The following TENT4B variants were observed in gnomAD, a reference collection of about 807,000 sequenced individuals.
The protein encoded by TENT4B is terminal nucleotidyltransferase 4B, also known as PAP associated domain containing 5.
In TENT4B, 10 loss-of-function variants were observed where a neutral mutation model predicts 75.0. That is an observed-to-expected ratio of 0.13 (90% confidence interval 0.08 to 0.23). TENT4B has a LOEUF of 0.23. Among genes scored for constraint, TENT4B ranks in the 10% least tolerant of loss-of-function variants. The pLI is 1.00. For missense variants in TENT4B, 579 were observed against 893.8 expected (o/e 0.65, Z 4.49); for synonymous variants, 350 against 357.7 (o/e 0.98, Z 0.24).
rs2032344938 is a variant in TENT4B at position 50,233,136 on chromosome 16, G to T, written c.*3808G>T. On this transcript the variant is annotated 3_prime_UTR_variant, in exon 12 of 12. Coordinates refer to ENST00000561678, the MANE Select transcript of TENT4B (RefSeq NM_001365324.3). ...TTGAATATAAAAGTTATATTTAGTA[G>T]TTACTGTTGATAGTAATTTTCATCA... 4 of 981,950 alleles carry T rather than the reference G, an allele frequency of 4.1e-6. No individual in the cohort carries two copies. In the African/African-American group the frequency reaches 7.0e-5, roughly 17 times the overall value. 60.8% of individuals were successfully genotyped at this position (981,950 alleles called of 1,614,324 possible).
At chr16:50,203,533 C>T (rs553608599) in intron 1 of TENT4B, among the ~76,000 whole-genome samples, 3 of 152,322 alleles carry the variant, frequency 2.0e-5, no homozygotes, top group African/African-American at 4.8e-5. Context: ...ATTTTCTTAT[C>T]GACCTATCTC....
At chr16:50,175,780 T>TA in intron 1 of TENT4B, among the ~76,000 whole-genome samples, 1 of 151,932 alleles carries the variant, frequency 6.6e-6, no homozygotes, top group South Asian at 2.1e-4. Context: ...AGTTTTTTTG[T>TA]TTTATTTATT....
chr16:50,216,158 C>T lies in TENT4B; in HGVS notation c.893C>T (p.Ala298Val). The change falls in exon 4 of 12, where the codon GCA becomes GTA. Residue 298 changes from alanine (A) to valine (V), a missense_variant. Coordinates refer to ENST00000561678, the MANE Select transcript of TENT4B (RefSeq NM_001365324.3). ...LEEALRKHKV[A>V]DEDSVKVLDK... ...GAAGCTCTTCGGAAACACAAAGTCG[C>T]AGATGAGGATTCGGTGAAAGTTTTA... The T allele has an allele frequency of 1.2e-6, 2 of 1,613,972 alleles. No homozygotes were observed. Among genetic ancestry groups the T allele is most frequent in the Non-Finnish European group, 1.7e-6 (2 of 1,179,872 alleles).
intron 1 of TENT4B, among the ~76,000 whole-genome samples, chr16:50,210,667 GCC>G (rs2031231957): frequency 1.3e-5 from 2 of 152,202 alleles, no homozygotes; most frequent in Non-Finnish European, 2.9e-5. Context: ...GCTATCTGTT[GCC>G]ACAGGGGGAA....
chr16:50,158,226 A>G (rs1399422669), intron 1 of TENT4B, among the ~76,000 whole-genome samples: 8 of 152,142 alleles, frequency 5.3e-5, no homozygotes, highest in Non-Finnish European at 1.0e-4. Context: ...AACTGGGATT[A>G]CAGGCGCCCG....
chr16:50,233,005 A>G lies in TENT4B; in HGVS notation c.*3677A>G, dbSNP rs759381910. 23 of 984,450 alleles carry G rather than the reference A, an allele frequency of 2.3e-5. No individual in the cohort carries two copies. Among genetic ancestry groups the G allele is most frequent in the Non-Finnish European group, 2.5e-5 (21 of 829,018 alleles). 61.0% of individuals were successfully genotyped at this position (984,450 alleles called of 1,614,324 possible). On this transcript the variant is annotated 3_prime_UTR_variant, in exon 12 of 12. Coordinates refer to ENST00000561678, the MANE Select transcript of TENT4B (RefSeq NM_001365324.3). The stretch of plus-strand genomic sequence containing the variant: ...TGAACAGAAGAATTTATTCTTACCC[A>G]TCTATTCTTGTTCTCCTAGTTCATT...
intron 10 of TENT4B, 117 bp from the exon 11 acceptor site, chr16:50,227,722 C>A: frequency 9.0e-7 from 1 of 1,114,742 alleles, no homozygotes; most frequent in Non-Finnish European, 1.3e-6. Flanking sequence ...CTTCTTTTAA[C>A]TCCCAAATGT....
chr16:50,192,990 C>T (rs1451683123), intron 1 of TENT4B, among the ~76,000 whole-genome samples: 1 of 152,084 alleles, frequency 6.6e-6, no homozygotes, highest in Admixed American at 6.6e-5. Flanking sequence ...AGGAGGATTG[C>T]CTGAACCCGA....
At chr16:50,187,172 C>T (rs1038528190) in intron 1 of TENT4B, among the ~76,000 whole-genome samples, 3 of 152,184 alleles carry the variant, frequency 2.0e-5, no homozygotes, top group African/African-American at 4.8e-5. Flanking sequence ...AGACCATTGC[C>T]AAATGCAGTG....
intron 1 of TENT4B, among the ~76,000 whole-genome samples, chr16:50,186,013 C>T (rs932559590): frequency 3.3e-5 from 5 of 152,092 alleles, no homozygotes; most frequent in Middle Eastern, 3.4e-3. Context: ...TATAGATATC[C>T]AGTGTTAGCT....
At chr16:50,220,320 G>A (rs1359854924) in intron 5 of TENT4B, among the ~76,000 whole-genome samples, 1 of 151,526 alleles carries the variant, frequency 6.6e-6, no homozygotes, top group Non-Finnish European at 1.5e-5. Context: ...GTAGAGATGA[G>A]GTCTTGCTAT....
chr16:50,214,499 T>TA (rs1217597629), intron 3 of TENT4B, among the ~76,000 whole-genome samples: 4 of 151,936 alleles, frequency 2.6e-5, no homozygotes, highest in African/African-American at 9.7e-5. Context: ...CTACTAGAAA[T>TA]ACAAGAATTA....
In TENT4B at chr16:50,234,514, T is replaced by G; in HGVS notation, c.*5186T>G. ...TATTCATAGTTCTTCCCTAAGACCA[T>G]TTCATTATTACCTTTTATATTTAGT... is the stretch of plus-strand genomic sequence containing the variant. On this transcript the variant is annotated 3_prime_UTR_variant, in exon 12 of 12. Transcript: ENST00000561678. The G allele has an allele frequency of 1.0e-6, 1 of 983,864 alleles. No individual in the cohort carries two copies. Among genetic ancestry groups the G allele is most frequent in the Non-Finnish European group, 1.2e-6 (1 of 828,476 alleles). The allele number at this position is 983,864 out of a possible 1,614,324, so 60.9% of individuals were successfully genotyped here.
At chr16:50,154,883 C>T (rs2037860559) in intron 1 of TENT4B, among the ~76,000 whole-genome samples, 1 of 152,050 alleles carries the variant, frequency 6.6e-6, no homozygotes, top group Non-Finnish European at 1.5e-5. Context: ...TCACAGATGC[C>T]CTGTCTATGC....
chr16:50,208,719 T>C (rs2031117343), intron 1 of TENT4B, among the ~76,000 whole-genome samples: 1 of 152,146 alleles, frequency 6.6e-6, no homozygotes, highest in African/African-American at 2.4e-5. Flanking sequence ...CACTTGGTAG[T>C]GTTTAGAGAA....
intron 6 of TENT4B, 111 bp from the exon 7 acceptor site, chr16:50,223,063 C>T (rs1447057354): frequency 1.1e-6 from 1 of 948,268 alleles, no homozygotes. Flanking sequence ...GACTGCTATG[C>T]TAAACCAAAA....
At chr16:50,177,555 T>G (rs1017730847) in intron 1 of TENT4B, among the ~76,000 whole-genome samples, 3 of 152,194 alleles carry the variant, frequency 2.0e-5, no homozygotes, top group African/African-American at 7.2e-5. Context: ...GCTTTTGGTG[T>G]CCATAGGTTC....
At chr16:50,168,786 C>T (rs2038150822) in intron 1 of TENT4B, among the ~76,000 whole-genome samples, 2 of 152,046 alleles carry the variant, frequency 1.3e-5, no homozygotes, top group South Asian at 4.1e-4. Flanking sequence ...GCTGGGATTA[C>T]AGGCACGCAC....
chr16:50,194,298 C>T (rs1416316937), intron 1 of TENT4B, among the ~76,000 whole-genome samples: 3 of 151,164 alleles, frequency 2.0e-5, no homozygotes, highest in Non-Finnish European at 4.4e-5. Context: ...TCACTGCAAC[C>T]TCTGCCTCTC....
Sources: allele counts gnomAD v4.1 joint callset (sites outside exome capture counted in the v4.1 genomes callset), GRCh38; gene constraint gnomAD v4.1.1; transcripts MANE v1.5; gene names NCBI Gene and HGNC (gene_info 2026-07-23, HGNC 2026-07-21).